OPRD1: variants seen among roughly 807,000 people sequenced by gnomAD.
OPRD1 encodes opioid receptor delta 1.
A neutral mutation model predicts 17.5 loss-of-function variants in OPRD1; 19 were observed. The observed-to-expected ratio is 1.09, with a 90% confidence interval of 0.76 to 1.60. OPRD1 has a LOEUF of 1.60. Among genes scored for constraint, OPRD1 ranks in the 40% most tolerant of loss-of-function variants. OPRD1 has a pLI of 0.00. For synonymous variants in OPRD1, 256 were observed against 240.9 expected, an observed-to-expected ratio of 1.06 and a Z score of -0.58; for missense variants, 483 against 547.2, an observed-to-expected ratio of 0.88 and a Z score of 1.17.
At chr1:28,822,136 A>G (rs1482011415) in intron 1 of OPRD1, among the ~76,000 whole-genome samples, 6 of 151,310 alleles carry the variant, frequency 4.0e-5, no homozygotes, top group Admixed American at 3.3e-4. Context: ...TTTTTAGTAG[A>G]GATGGGGTTT....
At chr1:28,860,063 G>A (rs2089099231) in intron 2 of OPRD1, among the ~76,000 whole-genome samples, 1 of 152,178 alleles carries the variant, frequency 6.6e-6, no homozygotes, top group South Asian at 2.1e-4. Flanking sequence ...CGAGGAGAAA[G>A]CACAGCCACT....
chr1:28,822,101 G>A (rs546551099), intron 1 of OPRD1, among the ~76,000 whole-genome samples: 4 of 151,824 alleles, frequency 2.6e-5, no homozygotes, highest in South Asian at 2.1e-4. Context: ...ACGGGCATGC[G>A]CCACCATGCC....
At chr1:28,818,767 G>A (rs1405835715) in intron 1 of OPRD1, among the ~76,000 whole-genome samples, 1 of 152,194 alleles carries the variant, frequency 6.6e-6, no homozygotes, top group East Asian at 1.9e-4. Flanking sequence ...GTAATTGGAG[G>A]CAGGTGTTCT....
At chr1:28,840,865 G>C (rs1303684013) in intron 1 of OPRD1, among the ~76,000 whole-genome samples, 1 of 152,106 alleles carries the variant, frequency 6.6e-6, no homozygotes, top group Non-Finnish European at 1.5e-5. Flanking sequence ...AGGTTGCAGT[G>C]AGCTGAGATC....
rs1455515520 is a variant in OPRD1, at chr1:28,812,511, C to T, written c.128C>T (p.Ala43Val). The T allele has an allele frequency of 6.4e-7, 1 of 1,571,900 alleles. No homozygotes were observed. The highest frequency in any genetic ancestry group is 8.6e-7 in the Non-Finnish European group (1 of 1,167,340). ...NASGPPGARSASSLALAIAIT... is the reference protein window; with the variant it reads ...NASGPPGARSVSSLALAIAIT... ...TCGGGGCCGCCAGGCGCGCGGAGCG[C>T]CTCGTCCCTCGCCCTGGCAATCGCC... is the stretch of plus-strand genomic sequence containing the variant. Residue 43 changes from alanine to valine, a missense_variant, in exon 1 of 3, where the codon GCC becomes GTC. Physicochemically the swap from Ala to Val is moderately conservative, Grantham distance 64 (BLOSUM62 0). Transcript: ENST00000234961.
At chr1:28,834,327 G>A (rs570540384) in intron 1 of OPRD1, among the ~76,000 whole-genome samples, 91 of 151,280 alleles carry the variant, frequency 6.0e-4, no homozygotes, top group African/African-American at 2.0e-3. Context: ...ATCCTGTTTC[G>A]TAGCTTAGTC....
chr1:28,858,282 T>C (rs1164685966), intron 1 of OPRD1, among the ~76,000 whole-genome samples: 1 of 148,852 alleles, frequency 6.7e-6, no homozygotes, highest in Non-Finnish European at 1.5e-5. Flanking sequence ...CCCGGCTATT[T>C]TTTTTGTATT....
At chr1:28,838,564 C>T (rs1026283206) in intron 1 of OPRD1, among the ~76,000 whole-genome samples, 1 of 152,116 alleles carries the variant, frequency 6.6e-6, no homozygotes, top group African/African-American at 2.4e-5. Flanking sequence ...TGGCAGGTTA[C>T]CAAGAGCCAG....
chr1:28,865,150 A>C lies in OPRD1; in HGVS notation c.*1867A>C, dbSNP rs2089165753. 1 of 152,156 alleles carries C rather than the reference A, an allele frequency of 6.6e-6. No homozygotes were observed. The highest frequency in any genetic ancestry group is 2.1e-4 in the South Asian group (1 of 4,824). 9.4% of individuals were successfully genotyped at this position (152,156 alleles called of 1,614,324 possible). ...CTGGATCTTTGCTTCCCAGAATATC[A>C]GTGTCTGTCCTTGTTCTCTGTACCT... is the stretch of plus-strand genomic sequence containing the variant. On this transcript the variant is annotated 3_prime_UTR_variant, in exon 3 of 3. Transcript: ENST00000234961.
intron 1 of OPRD1, among the ~76,000 whole-genome samples, chr1:28,819,284 C>T (rs1332538095): frequency 1.4e-5 from 2 of 146,492 alleles, no homozygotes; most frequent in African/African-American, 5.0e-5. Context: ...GACCCCATTT[C>T]AAAAAAAAAA....
intron 2 of OPRD1, among the ~76,000 whole-genome samples, chr1:28,861,020 T>G (rs1318963102): frequency 6.6e-6 from 1 of 152,162 alleles, no homozygotes; most frequent in African/African-American, 2.4e-5. Flanking sequence ...ACACACACTT[T>G]CCCAGTGTGT....
intron 1 of OPRD1, among the ~76,000 whole-genome samples, chr1:28,837,517 G>A (rs1317756896): frequency 8.6e-5 from 13 of 151,750 alleles, no homozygotes; most frequent in African/African-American, 1.9e-4. Flanking sequence ...GCATGGTGGC[G>A]TGCACCTGTA....
At chr1:28,833,477 G>C (rs1472445406) in intron 1 of OPRD1, among the ~76,000 whole-genome samples, 3 of 152,246 alleles carry the variant, frequency 2.0e-5, no homozygotes, top group East Asian at 1.9e-4. Flanking sequence ...GCTGATGCTA[G>C]AGGTGGAGTT....
At chr1:28,843,241 G>T (rs950082694) in intron 1 of OPRD1, among the ~76,000 whole-genome samples, 1 of 152,084 alleles carries the variant, frequency 6.6e-6, no homozygotes, top group Non-Finnish European at 1.5e-5. Flanking sequence ...TAAACACAGC[G>T]ACAGCTCTTG....
At chr1:28,831,688 G>T (rs924591946) in intron 1 of OPRD1, among the ~76,000 whole-genome samples, 4 of 152,166 alleles carry the variant, frequency 2.6e-5, no homozygotes, top group Admixed American at 6.5e-5. Context: ...GGGACCACAG[G>T]CACCACCATG....
chr1:28,828,958 C>A (rs577689174), intron 1 of OPRD1, among the ~76,000 whole-genome samples: 1 of 149,066 alleles, frequency 6.7e-6, no homozygotes, highest in African/African-American at 2.5e-5. Flanking sequence ...CCACTGCACT[C>A]CACCCTGGGT....
In OPRD1 at chr1:28,812,275, C is replaced by T. The variant is rs2088636023; in HGVS notation, c.-109C>T. On this transcript the variant is annotated 5_prime_UTR_variant, in exon 1 of 3. Transcript: ENST00000234961. ...AGACAGCGGGGCGGCCGGGGCGCGG[C>T]AGCCGGCGGCGTCGGGGCCGCGGCC... The T allele has an allele frequency of 1.5e-6, 1 of 667,404 alleles. No homozygotes were observed. Among genetic ancestry groups the T allele is most frequent in the Non-Finnish European group, 2.0e-6 (1 of 497,298 alleles). 41.3% of individuals were successfully genotyped at this position (667,404 alleles called of 1,614,324 possible).
intron 1 of OPRD1, among the ~76,000 whole-genome samples, chr1:28,834,969 C>A (rs1310764265): frequency 1.3e-5 from 2 of 152,166 alleles, no homozygotes; most frequent in Non-Finnish European, 2.9e-5. Flanking sequence ...AGGGTCTATG[C>A]ACTATTTCAG....
intron 1 of OPRD1, among the ~76,000 whole-genome samples, chr1:28,857,166 A>G (rs1382104469): frequency 1.3e-5 from 2 of 152,202 alleles, no homozygotes; most frequent in Non-Finnish European, 2.9e-5. Flanking sequence ...GTGAAGAAAA[A>G]GAACAGCGAT....
Sources: gnomAD v4.1 joint callset for allele counts (sites outside exome capture counted in the v4.1 genomes callset) on GRCh38, gnomAD v4.1.1 for gene constraint, MANE v1.5 for transcripts, NCBI Gene and HGNC (gene_info 2026-07-23, HGNC 2026-07-21) for gene names.